Variants in BTRC observed in about 807,000 individuals in gnomAD.
The protein encoded by BTRC is F-box/WD repeat-containing protein 1A.
BTRC carries 42 observed loss-of-function variants against 85.5 expected under a neutral mutation model. The ratio of observed to expected loss-of-function variants is 0.49; its 90% confidence interval spans 0.38 to 0.64. The LOEUF (loss-of-function observed/expected upper bound fraction) is 0.64, where lower values mean the gene tolerates loss of function less well. BTRC is among the 30% of genes least tolerant of loss of function. The probability of loss-of-function intolerance (pLI) is 0.00; values close to 1 mark genes in which losing one functional copy is unlikely to be tolerated. For synonymous variants in BTRC, 255 were observed against 263.3 expected (o/e 0.97, Z 0.30); for missense variants, 594 against 743.5 (o/e 0.80, Z 2.34).
intron 4 of BTRC, among the ~76,000 whole-genome samples, chr10:101,505,634 A>ATC (rs201731874): frequency 7.6e-6 from 1 of 132,334 alleles, no homozygotes. Flanking sequence ...AAATAAAAAA[A>ATC]AAAAAATAAT....
intron 1 of BTRC, among the ~76,000 whole-genome samples, chr10:101,405,444 C>T (rs1943596765): frequency 6.6e-6 from 1 of 152,156 alleles, no homozygotes. Flanking sequence ...TTGCCATTCT[C>T]TCTGAGTGTT....
At chr10:101,455,316 C>T (rs1245626623) in intron 2 of BTRC, among the ~76,000 whole-genome samples, 1 of 151,748 alleles carries the variant, frequency 6.6e-6, no homozygotes, top group Non-Finnish European at 1.5e-5. Context: ...CTCTACCTCC[C>T]GACAAGAAAA....
At chr10:101,424,109 C>T (rs557848880) in intron 1 of BTRC, among the ~76,000 whole-genome samples, 18 of 152,106 alleles carry the variant, frequency 1.2e-4, no homozygotes, top group Admixed American at 5.2e-4. Context: ...TGGTGCATGC[C>T]GGCAGTCCCA....
intron 3 of BTRC, among the ~76,000 whole-genome samples, chr10:101,472,225 CCCTT>C (rs908749866): frequency 2.6e-4 from 39 of 149,906 alleles, no homozygotes; most frequent in Admixed American, 1.7e-3. Context: ...TCATTTTTCT[CCCTT>C]CCTTCCTTCC....
intron 3 of BTRC, among the ~76,000 whole-genome samples, chr10:101,471,215 T>C (rs753130936): frequency 1.3e-4 from 20 of 152,168 alleles, no homozygotes; most frequent in Non-Finnish European, 2.9e-4. Flanking sequence ...AACCTTGCAC[T>C]TTCTATTAAA....
At chr10:101,515,395 C>T (rs1052384090) in intron 4 of BTRC, among the ~76,000 whole-genome samples, 1 of 152,148 alleles carries the variant, frequency 6.6e-6, no homozygotes, top group Non-Finnish European at 1.5e-5. Flanking sequence ...AAAGAATAAA[C>T]ATCTTAATAG....
chr10:101,389,474 A>G (rs896964599), intron 1 of BTRC, among the ~76,000 whole-genome samples: 1 of 152,090 alleles, frequency 6.6e-6, no homozygotes, highest in African/African-American at 2.4e-5. Context: ...TTCCTTTTGG[A>G]CTAAAGCTAT....
chr10:101,457,313 G>A (rs1055427373), intron 2 of BTRC, among the ~76,000 whole-genome samples: 1 of 152,072 alleles, frequency 6.6e-6, no homozygotes, highest in African/African-American at 2.4e-5. Flanking sequence ...CCTGCTTTAG[G>A]TGATCCTGGA....
At position 101,521,873 on chromosome 10, in the gene BTRC, A is replaced by G. The variant is rs1344620601; in HGVS notation, c.556+3A>G. On this transcript the variant is annotated splice_donor_region_variant and intron_variant, in intron 5 of 14. Transcript: ENST00000370187. ...AGATTTCATAACTGCTCTGCCAGGTATGTCTACAAGTGTTTGTAAACCATT... is the reference window on the plus strand; with the variant it reads ...AGATTTCATAACTGCTCTGCCAGGTGTGTCTACAAGTGTTTGTAAACCATT... 3 of 1,597,806 alleles carry G rather than the reference A, an allele frequency of 1.9e-6. No homozygotes were observed. Among genetic ancestry groups the G allele is most frequent in the South Asian group, 1.1e-5 (1 of 90,616 alleles).
In BTRC at chr10:101,483,571, C is replaced by T. The variant is rs560790317; in HGVS notation, c.324+4114C>T. Among the ~76,000 whole-genome samples the T allele has an allele frequency of 2.6e-5, 4 of 151,924 alleles. No individual in the cohort carries two copies. In the South Asian group the frequency reaches 6.2e-4, roughly 24 times the overall value. On this transcript the variant is annotated intron_variant, in intron 4 of 14. Coordinates refer to ENST00000370187, the MANE Select transcript of BTRC (RefSeq NM_033637.4). ...TCGTGCCACAGCACTCCAGCCTGGGCGACAGAGTGAGACTCAGTCTCAAAA... is the reference window on the plus strand; with the variant it reads ...TCGTGCCACAGCACTCCAGCCTGGGTGACAGAGTGAGACTCAGTCTCAAAA...
At chr10:101,392,339 G>A (rs565837805) in intron 1 of BTRC, among the ~76,000 whole-genome samples, 1 of 152,316 alleles carries the variant, frequency 6.6e-6, no homozygotes, top group South Asian at 2.1e-4. Context: ...GAGAATGAAT[G>A]AGGGAAGAAA....
intron 1 of BTRC, among the ~76,000 whole-genome samples, chr10:101,367,386 A>G (rs928137100): frequency 6.6e-6 from 1 of 152,008 alleles, no homozygotes; most frequent in Non-Finnish European, 1.5e-5. Flanking sequence ...TCTATATTTA[A>G]GAAGAATGTT....
chr10:101,390,584 G>C (rs1048555380), intron 1 of BTRC, among the ~76,000 whole-genome samples: 1 of 151,608 alleles, frequency 6.6e-6, no homozygotes. Context: ...CTCCCGCCTC[G>C]GTCTCCCAAA....
chr10:101,523,009 G>A (rs954851994), intron 5 of BTRC, among the ~76,000 whole-genome samples: 5 of 152,054 alleles, frequency 3.3e-5, no homozygotes, highest in Admixed American at 2.0e-4. Context: ...TTCGAGACCA[G>A]CATGACCAAC....
At chr10:101,401,993 T>C (rs960297703) in intron 1 of BTRC, among the ~76,000 whole-genome samples, 1 of 152,176 alleles carries the variant, frequency 6.6e-6, no homozygotes, top group African/African-American at 2.4e-5. Flanking sequence ...CCAGTGACTT[T>C]TAAGATCTGT....
intron 2 of BTRC, among the ~76,000 whole-genome samples, chr10:101,448,790 A>G (rs1944889923): frequency 6.6e-6 from 1 of 152,076 alleles, no homozygotes; most frequent in African/African-American, 2.4e-5. Flanking sequence ...GAGGAAAGCA[A>G]GGGATATAAT....
At chr10:101,412,074 G>A (rs1240199377) in intron 1 of BTRC, among the ~76,000 whole-genome samples, 2 of 152,162 alleles carry the variant, frequency 1.3e-5, no homozygotes, top group African/African-American at 2.4e-5. Context: ...ACAGAAATGT[G>A]CCCCAGGTCT....
intron 3 of BTRC, among the ~76,000 whole-genome samples, chr10:101,474,389 G>A (rs559812008): frequency 4.5e-4 from 69 of 152,294 alleles, no homozygotes; most frequent in African/African-American, 1.4e-3. Context: ...GAAAGCCTAA[G>A]ATGTTATTAC....
intron 1 of BTRC, 146 bp downstream of exon 1, chr10:101,354,374 C>G: frequency 2.1e-6 from 2 of 937,916 alleles, no homozygotes; most frequent in Non-Finnish European, 3.1e-6. Flanking sequence ...GGGATGGGAG[C>G]TCCAGAAAGG....
Sources: allele counts gnomAD v4.1 joint callset (sites outside exome capture counted in the v4.1 genomes callset), GRCh38; gene constraint gnomAD v4.1.1; transcripts MANE v1.5; gene names NCBI Gene and HGNC (gene_info 2026-07-23, HGNC 2026-07-21).